The following CAST variants were observed in gnomAD, a reference collection of about 807,000 sequenced individuals.
CAST encodes the protein MIR583 host.
Under a neutral mutation model 119.6 loss-of-function variants are expected in CAST, and 76 were observed. That is an observed-to-expected ratio of 0.64 (90% CI 0.53 to 0.77). CAST has a LOEUF of 0.77. Ranked by LOEUF, CAST falls within the 30% of genes least tolerant of loss-of-function variation. The probability of loss-of-function intolerance (pLI) is 0.00; values close to 1 mark genes in which losing one functional copy is unlikely to be tolerated. For synonymous variants in CAST, 319 were observed against 331.6 expected (o/e 0.96, Z 0.41); for missense variants, 953 against 946.5 (o/e 1.01, Z -0.09).
At chr5:96,399,163 A>G in the CAST span, 1 of 700,632 alleles carries the variant, frequency 1.4e-6, no homozygotes, top group Non-Finnish European at 2.5e-6. Context: ...TGTGATGTGT[A>G]GAACCTAATT....
chr5:96,018,436 T>C, the CAST span, among the ~76,000 whole-genome samples: 1 of 152,168 alleles, frequency 6.6e-6, no homozygotes, highest in East Asian at 1.9e-4. Flanking sequence ...ATTTCATTAA[T>C]GCTGAAGTCA....
chr5:96,058,167 G>A, the CAST span, among the ~76,000 whole-genome samples: 2 of 152,070 alleles, frequency 1.3e-5, no homozygotes, highest in African/African-American at 4.8e-5. Context: ...CTACTGATGG[G>A]AAATTAGAGA....
the CAST span, among the ~76,000 whole-genome samples, chr5:96,269,483 A>C: frequency 6.6e-6 from 1 of 152,182 alleles, no homozygotes; most frequent in African/African-American, 2.4e-5. Flanking sequence ...TTTTACAGAA[A>C]ATTTCACCCA....
the CAST span, among the ~76,000 whole-genome samples, chr5:96,376,291 A>T: frequency 6.6e-6 from 1 of 152,064 alleles, no homozygotes; most frequent in East Asian, 1.9e-4. Flanking sequence ...TGGTGATGCT[A>T]ATGTAAAGAA....
At chr5:96,564,275 C>T (rs1746431964) in intron 1 of CAST, among the ~76,000 whole-genome samples, 1 of 152,140 alleles carries the variant, frequency 6.6e-6, no homozygotes, top group South Asian at 2.1e-4. Flanking sequence ...CCTTTTTGTT[C>T]GTTTGCTTTG....
chr5:96,499,038 AAAAAAAG>A, the CAST span, among the ~76,000 whole-genome samples: 10 of 151,986 alleles, frequency 6.6e-5, no homozygotes, highest in South Asian at 4.1e-4. Context: ...GGAAAAAAAA[AAAAAAAG>A]AAAAAAGAAA....
the CAST span, among the ~76,000 whole-genome samples, chr5:96,192,721 C>T: frequency 2.6e-5 from 4 of 152,136 alleles, no homozygotes; most frequent in Admixed American, 6.5e-5. Context: ...GCCAGTGGAA[C>T]GTGAGGAGTG....
At chr5:96,170,240 G>C in the CAST span, among the ~76,000 whole-genome samples, 1 of 152,158 alleles carries the variant, frequency 6.6e-6, no homozygotes, top group Non-Finnish European at 1.5e-5. Context: ...GCTGCCAGGT[G>C]AGTTGAACAG....
chr5:96,048,289 C>T, the CAST span, among the ~76,000 whole-genome samples: 1 of 152,212 alleles, frequency 6.6e-6, no homozygotes, highest in South Asian at 2.1e-4. Context: ...AGAGTAAATT[C>T]TCTGGATGAG....
intron 3 of CAST, among the ~76,000 whole-genome samples, chr5:96,710,562 C>A (rs2150355570): frequency 6.6e-6 from 1 of 152,226 alleles, no homozygotes; most frequent in Admixed American, 6.5e-5. Flanking sequence ...CCATTTCTAC[C>A]CGTTATGTCA....
chr5:96,346,663 T>C, the CAST span, among the ~76,000 whole-genome samples: 1 of 152,176 alleles, frequency 6.6e-6, no homozygotes, highest in African/African-American at 2.4e-5. Context: ...GTCTGTAAGC[T>C]GGCACCTCAG....
chr5:96,358,813 C>A, the CAST span, among the ~76,000 whole-genome samples: 89 of 152,232 alleles, frequency 5.8e-4, 1 homozygote, highest in East Asian at 0.015. Flanking sequence ...TTCTGTTGAT[C>A]TGTAGTGGAG....
At chr5:96,154,709 A>T in the CAST span, among the ~76,000 whole-genome samples, 1 of 152,198 alleles carries the variant, frequency 6.6e-6, no homozygotes, top group African/African-American at 2.4e-5. Context: ...TTTGAGGAGT[A>T]CTGCTCCAGT....
intron 2 of CAST, among the ~76,000 whole-genome samples, chr5:96,689,951 C>T (rs1479231470): frequency 6.6e-6 from 1 of 152,094 alleles, no homozygotes; most frequent in East Asian, 1.9e-4. Flanking sequence ...GTAGGTATAG[C>T]TATTTTCCCT....
chr5:96,058,864 A>G, the CAST span, among the ~76,000 whole-genome samples: 1 of 152,258 alleles, frequency 6.6e-6, no homozygotes, highest in East Asian at 1.9e-4. Context: ...CTTATCTCCT[A>G]CAGTCTGAAG....
intron 1 of CAST, among the ~76,000 whole-genome samples, chr5:96,607,640 C>A (rs1202347508): frequency 6.6e-6 from 1 of 152,056 alleles, no homozygotes; most frequent in Non-Finnish European, 1.5e-5. Context: ...CGAGGGTGTC[C>A]TTTCATCATC....
chr5:96,269,225 A>T, the CAST span, among the ~76,000 whole-genome samples: 1 of 152,200 alleles, frequency 6.6e-6, no homozygotes, highest in Non-Finnish European at 1.5e-5. Context: ...AAGGAAAATC[A>T]TTATATAACG....
chr5:96,519,535 T>C, the CAST span, among the ~76,000 whole-genome samples: 3 of 152,222 alleles, frequency 2.0e-5, no homozygotes, highest in South Asian at 2.1e-4. Flanking sequence ...TCGCAAAATA[T>C]GTGACCACCT....
rs762052362 is a variant in CAST at position 96,750,697 on chromosome 5, G to A, written c.1524+15G>A. 1.3e-6 allele frequency: 2 copies of A among 1,559,138 alleles called. No individual in the cohort carries two copies. Among genetic ancestry groups the A allele is most frequent in the Non-Finnish European group, 1.8e-6 (2 of 1,130,318 alleles). On this transcript the variant is annotated intron_variant, in intron 20 of 31. Transcript: ENST00000675179. ...CGGCTACCTTGGTGAGTGACTCCCT[G>A]GGCATTTGAGCAGTGGCTTGAGAAA...
Sources: gnomAD v4.1 joint callset for allele counts (sites outside exome capture counted in the v4.1 genomes callset) on GRCh38, gnomAD v4.1.1 for gene constraint, MANE v1.5 for transcripts, NCBI Gene and HGNC (gene_info 2026-07-23, HGNC 2026-07-21) for gene names.